Variants in DNAH5 observed in about 807,000 individuals in gnomAD.
DNAH5 encodes the protein axonemal beta dynein heavy chain 5.
Under a neutral mutation model 518.2 loss-of-function variants are expected in DNAH5, and 372 were observed. The observed-to-expected ratio is 0.72, with a 90% CI of 0.66 to 0.78. The LOEUF (loss-of-function observed/expected upper bound fraction) is 0.78. Ranked by LOEUF, DNAH5 falls within the 30% of genes least tolerant of loss-of-function variation. DNAH5 has a pLI of 0.00. For synonymous variants in DNAH5, 2,039 were observed against 2,025.9 expected, an observed-to-expected ratio of 1.01 and a Z score of -0.17; for missense variants, 5,523 against 5,687.0, an observed-to-expected ratio of 0.97 and a Z score of 0.93.
At position 13,917,048 on chromosome 5, in the gene DNAH5, G is replaced by A. The variant is rs1457780160; in HGVS notation, c.1089+95C>T. On this transcript the variant is annotated intron_variant, in intron 8 of 78. Transcript: ENST00000265104. ...ATAAAGTTTCTAAGACCTTTCCAATGAACTGTAATATTGATGAAACAAAAT... is the reference window on the plus strand; with the variant it reads ...ATAAAGTTTCTAAGACCTTTCCAATAAACTGTAATATTGATGAAACAAAAT... 4.2e-6 allele frequency: 4 copies of A among 963,348 alleles called. No individual in the cohort carries two copies. In the African/African-American group the frequency reaches 4.9e-5, roughly 12 times the overall value. 59.7% of individuals were successfully genotyped at this position (963,348 alleles called of 1,614,324 possible).
chr5:13,963,064 AT>A (rs1781290892), intron 1 of DNAH5, among the ~76,000 whole-genome samples: 2 of 152,000 alleles, frequency 1.3e-5, no homozygotes. Flanking sequence ...CCCTGTGTTT[AT>A]ACTGTTCCTA....
chr5:13,754,863 G>A (rs72732610), intron 61 of DNAH5, among the ~76,000 whole-genome samples: 53,007 of 151,808 alleles, frequency 0.35, 9,549 homozygotes, highest in South Asian at 0.46. Flanking sequence ...AAAACAAATG[G>A]TTCCGGTGGC....
chr5:13,726,128 A>G (rs76547330), intron 70 of DNAH5, among the ~76,000 whole-genome samples: 52 of 152,354 alleles, frequency 3.4e-4, no homozygotes, highest in African/African-American at 1.2e-3. Context: ...ATGTATCTAC[A>G]TTGTAGACCT....
intron 76 of DNAH5, among the ~76,000 whole-genome samples, chr5:13,702,279 C>T (rs1742217996): frequency 6.6e-6 from 1 of 152,042 alleles, no homozygotes; most frequent in African/African-American, 2.4e-5. Flanking sequence ...TTTCAAATAC[C>T]TTAAGAATTA....
chr5:13,949,760 G>C (rs568180224), intron 1 of DNAH5, among the ~76,000 whole-genome samples: 1 of 152,200 alleles, frequency 6.6e-6, no homozygotes, highest in Non-Finnish European at 1.5e-5. Flanking sequence ...CACTAACGGA[G>C]GGATACATTA....
chr5:13,985,395 T>A (rs1278889292), intron 1 of DNAH5, among the ~76,000 whole-genome samples: 1 of 148,444 alleles, frequency 6.7e-6, no homozygotes, highest in Non-Finnish European at 1.5e-5. Context: ...ACCTGCACGT[T>A]GTGCACATGT....
chr5:13,829,365 AT>A (rs1763328460), intron 38 of DNAH5, 144 bp downstream of exon 38: 1 of 704,230 alleles, frequency 1.4e-6, no homozygotes, highest in Non-Finnish European at 2.4e-6. Flanking sequence ...ATATAAAATT[AT>A]TTTTGTAGTA....
chr5:13,782,253 C>T lies in DNAH5; in HGVS notation c.8821-1294G>A, dbSNP rs116031004. Among the ~76,000 whole-genome samples, 1,084 of 152,296 alleles carry T rather than the reference C, an allele frequency of 7.1e-3. 11 individuals carry two copies. The highest frequency in any genetic ancestry group is 0.025 in the African/African-American group (1,018 of 41,546). On this transcript the variant is annotated intron_variant, in intron 52 of 78. Coordinates refer to ENST00000265104, the MANE Select transcript of DNAH5 (RefSeq NM_001369.3). ...GAAGTCACTGGGGCTCTGCATTCTG[C>T]CAAGTTTTTGTTAAACATCCTTTCT...
chr5:13,984,207 G>T (rs920079008), intron 1 of DNAH5, among the ~76,000 whole-genome samples: 5 of 152,204 alleles, frequency 3.3e-5, no homozygotes, highest in African/African-American at 1.2e-4. Flanking sequence ...GCTCAAAAAA[G>T]CAAAGATTTG....
chr5:13,773,222 AT>A, intron 55 of DNAH5, among the ~76,000 whole-genome samples: 1 of 152,312 alleles, frequency 6.6e-6, no homozygotes, highest in African/African-American at 2.4e-5. Flanking sequence ...TTATCAAAAG[AT>A]TTAAAACGAT....
At chr5:13,728,129 A>G (rs1229560607) in intron 69 of DNAH5, among the ~76,000 whole-genome samples, 3 of 152,156 alleles carry the variant, frequency 2.0e-5, no homozygotes, top group Admixed American at 2.0e-4. Flanking sequence ...TTTGATCAAT[A>G]CTCTATTAAT....
At chr5:13,884,938 C>A (rs774670938) in intron 19 of DNAH5, 51 bp downstream of exon 19, 1 of 1,612,678 alleles carries the variant, frequency 6.2e-7, no homozygotes, top group Non-Finnish European at 8.5e-7. Context: ...ACACACATAC[C>A]CCAGCAACTA....
chr5:13,696,748 A>G (rs908283147), intron 78 of DNAH5, among the ~76,000 whole-genome samples: 1 of 152,208 alleles, frequency 6.6e-6, no homozygotes, highest in African/African-American at 2.4e-5. Context: ...ATCACTAAAG[A>G]AACACCTCTT....
At position 13,768,854 on chromosome 5, in the gene DNAH5, C is replaced by T. The variant is rs182615202; in HGVS notation, c.9897+106G>A. On this transcript the variant is annotated intron_variant, in intron 58 of 78. Transcript: ENST00000265104. ...CTTGAAATCACTCAAGTGGATAGAG[C>T]TTTCATCTGAACCAGTAGAGCATTT... is the stretch of plus-strand genomic sequence containing the variant. 4.2e-5 allele frequency: 54 copies of T among 1,276,848 alleles called. No individual in the cohort carries two copies. In the Middle Eastern group the frequency reaches 2.5e-3, roughly 58 times the overall value. The allele number at this position is 1,276,848 out of a possible 1,614,324, so 79.1% of individuals were successfully genotyped here. A position where few individuals can be genotyped will look rare whatever the true frequency, so the allele number is the denominator to read the frequency against.
At chr5:13,942,119 T>A (rs1323924240) in intron 1 of DNAH5, among the ~76,000 whole-genome samples, 9 of 152,190 alleles carry the variant, frequency 5.9e-5, no homozygotes, top group Non-Finnish European at 1.0e-4. Flanking sequence ...AATGAGCGAA[T>A]GAATATATAC....
chr5:13,944,536 G>T lies in DNAH5; in HGVS notation c.-98C>A. 1.0e-6 allele frequency: 1 copy of T among 1,002,056 alleles called. No individual in the cohort carries two copies. Among genetic ancestry groups the T allele is most frequent in the Non-Finnish European group, 1.6e-6 (1 of 644,894 alleles). 62.1% of individuals were successfully genotyped at this position (1,002,056 alleles called of 1,614,324 possible). ...CATCCAACAGGCTTCCAAATGGAAA[G>T]TTTTACTTCCATTTTACTTTCACGT... On this transcript the variant is annotated 5_prime_UTR_variant, in exon 1 of 79. Coordinates refer to ENST00000265104, the MANE Select transcript of DNAH5 (RefSeq NM_001369.3).
chr5:13,804,859 G>C (rs988268647), intron 47 of DNAH5, among the ~76,000 whole-genome samples: 1 of 152,172 alleles, frequency 6.6e-6, no homozygotes, highest in African/African-American at 2.4e-5. Flanking sequence ...AGGTTTTCTA[G>C]ATAACATATG....
At chr5:13,812,912 T>A (rs1561328216) in intron 43 of DNAH5, among the ~76,000 whole-genome samples, 2 of 152,184 alleles carry the variant, frequency 1.3e-5, no homozygotes, top group Non-Finnish European at 2.9e-5. Flanking sequence ...TCTGAATTAT[T>A]CATTAGTTCA....
In DNAH5 at chr5:13,766,069, A is replaced by G. The variant is rs1211487506; in HGVS notation, c.10008T>C (p.Ala3336=). ...AGCTTTTTTCCAGGTCAATTTTCAC[A>G]GCACTGACTTTCCTTTGAAACAGCA... ...VLLLFQRKVS[A]VKIDLEKSCT... is the part of the protein sequence containing the mutation. Residue 3336 remains alanine (A), a synonymous_variant, in exon 59 of 79, where the codon GCT becomes GCC. Transcript: ENST00000265104. 1 of 1,614,204 alleles carries G rather than the reference A, an allele frequency of 6.2e-7. No individual in the cohort carries two copies. The highest frequency in any genetic ancestry group is 1.1e-5 in the South Asian group (1 of 91,092).
Sources: allele counts gnomAD v4.1 joint callset (sites outside exome capture counted in the v4.1 genomes callset), GRCh38; gene constraint gnomAD v4.1.1; transcripts MANE v1.5; gene names NCBI Gene and HGNC (gene_info 2026-07-23, HGNC 2026-07-21).